Variants in INTS13 observed in about 807,000 individuals in gnomAD.
INTS13 encodes the protein asunder, spermatogenesis regulator homolog (Drosphila).
Under a neutral mutation model 90.2 loss-of-function variants are expected in INTS13, and 35 were observed. The ratio of observed to expected loss-of-function variants is 0.39; its 90% CI spans 0.30 to 0.51. The LOEUF (loss-of-function observed/expected upper bound fraction) is 0.51, where lower values mean the gene tolerates loss of function less well. Among genes scored for constraint, INTS13 ranks in the 20% least tolerant of loss-of-function variants. The pLI is 0.80. For missense variants in INTS13, 601 were observed against 851.2 expected (o/e 0.71, Z 3.66); for synonymous variants, 309 against 277.1 (o/e 1.11, Z -1.14).
chr12:26,906,628 T>C, intron 15 of INTS13, 191 bp from the exon 16 acceptor site: 1 of 596,352 alleles, frequency 1.7e-6, no homozygotes, highest in East Asian at 3.1e-5. Context: ...TGTTTCAGGG[T>C]CCCCAAGAGC....
intron 8 of INTS13, among the ~76,000 whole-genome samples, chr12:26,921,469 G>A (rs569369675): frequency 2.0e-5 from 3 of 152,198 alleles, no homozygotes; most frequent in African/African-American, 4.8e-5. Context: ...AGTCTTTTCC[G>A]AAGTAAATTC....
intron 16 of INTS13, among the ~76,000 whole-genome samples, chr12:26,905,862 TCCTTCC>T (rs1951591729): frequency 6.6e-6 from 1 of 152,174 alleles, no homozygotes; most frequent in Non-Finnish European, 1.5e-5. Flanking sequence ...AGAATTTATT[TCCTTCC>T]CCACTAAATA....
intron 8 of INTS13, 122 bp downstream of exon 8, chr12:26,922,494 C>T (rs948845986): frequency 3.3e-6 from 2 of 597,652 alleles, no homozygotes; most frequent in Non-Finnish European, 5.6e-6. Context: ...GGGTTCGAGA[C>T]CATCTGAGAT....
chr12:26,912,863 G>T (rs1229888058), intron 14 of INTS13, among the ~76,000 whole-genome samples: 2 of 151,980 alleles, frequency 1.3e-5, no homozygotes, highest in Non-Finnish European at 2.9e-5. Flanking sequence ...GAGTAGCTGA[G>T]ATTACAGGCA....
chr12:26,931,499 G>A (rs1938190474), intron 3 of INTS13, among the ~76,000 whole-genome samples: 2 of 151,870 alleles, frequency 1.3e-5, no homozygotes, highest in South Asian at 2.1e-4. Context: ...ACCTTGGATG[G>A]GATTGTTACC....
chr12:26,911,882 A>C (rs1234999489), intron 14 of INTS13, among the ~76,000 whole-genome samples: 4 of 152,240 alleles, frequency 2.6e-5, no homozygotes, highest in Non-Finnish European at 5.9e-5. Context: ...GTGAGCCAGT[A>C]GTGTTTCAGA....
Position 26,928,905 on chromosome 12 carries a change from G to T in INTS13, c.301C>A (p.Leu101Ile), listed in dbSNP as rs1286123672. Reference sequence around the variant, plus strand: ...CCAACAGCGGCTAATGCTGCCATTAGCTAAGTAAAAGGGAAAACAATTATG... The same window carrying T: ...CCAACAGCGGCTAATGCTGCCATTATCTAAGTAAAAGGGAAAACAATTATG... The part of the protein sequence containing the change: ...WTQEDQNLQE[L>I]MAALAAVGPP... The change falls in exon 4 of 17, where the codon CTA becomes ATA. Residue 101 changes from leucine (L) to isoleucine (I), a missense_variant and splice_region_variant. Leu to Ile is a conservative substitution (Grantham distance 5). This residue lies in a region of INTS13 where 284 missense variants were observed against 387.7 expected (regional missense o/e 0.73). Coordinates refer to ENST00000261191, the MANE Select transcript of INTS13 (RefSeq NM_018164.3). 6.2e-7 allele frequency: 1 copy of T among 1,613,692 alleles called. No individual in the cohort carries two copies. The highest frequency in any genetic ancestry group is 8.5e-7 in the Non-Finnish European group (1 of 1,179,856).
rs973110770 is a variant in INTS13, at chr12:26,910,971, G to T, written c.1945+207C>A. ...TAGCCTCAGCCTCCCAAGTAGCTGG[G>T]ATTACAGGTGTGTGTCACCATGCCC... is the stretch of plus-strand genomic sequence containing the variant. On this transcript the variant is annotated intron_variant, in intron 15 of 16. Coordinates refer to ENST00000261191, the MANE Select transcript of INTS13 (RefSeq NM_018164.3). Among the ~76,000 whole-genome samples the T allele has an allele frequency of 2.6e-5, 4 of 152,112 alleles. No homozygotes were observed. In the East Asian group the frequency reaches 7.7e-4, roughly 29 times the overall value.
At chr12:26,919,515 T>C (rs1458875808) in intron 8 of INTS13, among the ~76,000 whole-genome samples, 1 of 152,280 alleles carries the variant, frequency 6.6e-6, no homozygotes, top group Non-Finnish European at 1.5e-5. Context: ...GGACAGGCCA[T>C]TTAGTAGGCT....
intron 7 of INTS13, among the ~76,000 whole-genome samples, chr12:26,923,018 C>A (rs1937671592): frequency 6.6e-6 from 1 of 151,716 alleles, no homozygotes; most frequent in Admixed American, 6.6e-5. Context: ...TTTTAATATA[C>A]AAATATAATG....
chr12:26,905,892 C>A (rs1951593108), intron 16 of INTS13, among the ~76,000 whole-genome samples: 1 of 151,964 alleles, frequency 6.6e-6, no homozygotes, highest in Non-Finnish European at 1.5e-5. Context: ...GTATTTCCAC[C>A]AACAAATTAA....
chr12:26,921,804 C>T (rs924680327), intron 8 of INTS13, among the ~76,000 whole-genome samples: 6 of 152,134 alleles, frequency 3.9e-5, no homozygotes, highest in African/African-American at 7.2e-5. Context: ...TACAGGTACA[C>T]GCCACCACAC....
chr12:26,921,374 C>G (rs1489863957), intron 8 of INTS13, among the ~76,000 whole-genome samples: 1 of 152,194 alleles, frequency 6.6e-6, no homozygotes, highest in African/African-American at 2.4e-5. Context: ...CTTTTCCCTT[C>G]CTCAAGGTTG....
In INTS13 at chr12:26,928,890, C is replaced by A; in HGVS notation, c.316G>T (p.Ala106Ser). 6.2e-7 allele frequency: 1 copy of A among 1,614,066 alleles called. No individual in the cohort carries two copies. ...QNLQELMAALAAVGPPNPRAD... is the reference protein window; with the variant it reads ...QNLQELMAALSAVGPPNPRAD... ...CGAGGATTAGGAGGCCCAACAGCGG[C>A]TAATGCTGCCATTAGCTAAGTAAAA... Residue 106 changes from alanine (A) to serine (S), a missense_variant, in exon 4 of 17, where the codon GCC becomes TCC. Coordinates refer to ENST00000261191, the MANE Select transcript of INTS13 (RefSeq NM_018164.3).
In INTS13 at chr12:26,936,608, T is replaced by C. The variant is rs760803643; in HGVS notation, c.196A>G (p.Met66Val). 1.9e-6 allele frequency: 3 copies of C among 1,612,010 alleles called. No homozygotes were observed. The highest frequency in any genetic ancestry group is 2.5e-6 in the Non-Finnish European group (3 of 1,178,142). Residue 66 changes from methionine (M) to valine (V), a missense_variant, in exon 2 of 17, where the codon ATG becomes GTG. Physicochemically the swap from Met to Val is conservative, Grantham distance 21. Coordinates refer to ENST00000261191, the MANE Select transcript of INTS13 (RefSeq NM_018164.3). ...VESSMEYCRIMYDIFPFKKLV... is the reference protein window; with the variant it reads ...VESSMEYCRIVYDIFPFKKLV... The stretch of plus-strand genomic sequence containing the variant: ...TTTTTGAAAGGAAATATATCATACA[T>C]TATTCTACAATATTCCATGGAAGAT...
intron 3 of INTS13, among the ~76,000 whole-genome samples, chr12:26,934,220 G>A (rs1446916728): frequency 6.6e-6 from 1 of 152,138 alleles, no homozygotes; most frequent in Non-Finnish European, 1.5e-5. Context: ...GCAGTGAGCC[G>A]AGATGGCGCA....
chr12:26,914,088 G>A lies in INTS13; in HGVS notation c.1460C>T (p.Thr487Ile). 5 of 1,606,744 alleles carry A rather than the reference G, an allele frequency of 3.1e-6. No individual in the cohort carries two copies. The highest frequency in any genetic ancestry group is 1.3e-5 in the African/African-American group (1 of 74,648). Residue 487 changes from threonine (T) to isoleucine (I), a missense_variant, in exon 13 of 17, where the codon ACA becomes ATA. By Grantham distance (89) the Thr-to-Ile change is moderately conservative. Around this residue, in one of 3 missense-constraint regions of INTS13, gnomAD observed 228 missense variants for 272.5 expected, o/e 0.84. Coordinates refer to ENST00000261191, the MANE Select transcript of INTS13 (RefSeq NM_018164.3). ...TTGACAGTTTAACACATCTTCTTCT[G>A]TCAGAGATTCTTTCACAATAACACT... ...LASVIVKESL[T>I]EEDVLNCQKT... is the part of the protein sequence containing the mutation.
Position 26,935,004 on chromosome 12 carries a change from G to A in INTS13, c.226-374C>T, listed in dbSNP as rs552128922. On this transcript the variant is annotated intron_variant, in intron 2 of 16. Transcript: ENST00000261191. ...GGTGGTTACAGAAGGACTCTCCATA[G>A]AAGTGGCAACTGAAGGCAATCCAAA... 2.0e-5 allele frequency among the ~76,000 whole-genome samples: 3 copies of A among 152,358 alleles called. No individual in the cohort carries two copies. In the South Asian group the frequency reaches 6.2e-4, roughly 32 times the overall value.
chr12:26,934,739 T>C (rs1361639717), intron 2 of INTS13, 109 bp from the exon 3 acceptor site: 1 of 855,870 alleles, frequency 1.2e-6, no homozygotes, highest in African/African-American at 1.7e-5. Context: ...ATTCATTCAT[T>C]CTTCTTTTTA....
Sources: allele counts gnomAD v4.1 joint callset (sites outside exome capture counted in the v4.1 genomes callset), GRCh38; gene constraint gnomAD v4.1.1; regional missense constraint gnomAD v4.1.1; transcripts MANE v1.5; gene names NCBI Gene and HGNC (gene_info 2026-07-23, HGNC 2026-07-21).